The following COPG2 variants were observed in gnomAD, a reference collection of about 807,000 sequenced individuals.
The protein encoded by COPG2 is coat protein complex I subunit gamma 2, also known as coatomer subunit gamma-2.
Under a neutral mutation model 46.3 loss-of-function variants are expected in COPG2, and 37 were observed. The ratio of observed to expected loss-of-function variants is 0.80; its 90% confidence interval spans 0.61 to 1.05. The LOEUF is 1.05. Among genes scored for constraint, COPG2 ranks in the 50% least tolerant of loss-of-function variants. The pLI is 0.00. For missense variants in COPG2, 427 were observed against 387.8 expected (o/e 1.10, Z -0.85); for synonymous variants, 159 against 129.7 (o/e 1.23, Z -1.53).
intron 9 of COPG2, chr7:130,603,715 C>CA (rs1410987637): frequency 5.8e-6 from 2 of 346,490 alleles, no homozygotes; most frequent in South Asian, 2.0e-5. Flanking sequence ...GAGCAAAACT[C>CA]AGTCTCAAAA....
chr7:130,611,708 T>C (rs1554452114), intron 8 of COPG2, among the ~76,000 whole-genome samples: 1 of 152,226 alleles, frequency 6.6e-6, no homozygotes, highest in Non-Finnish European at 1.5e-5. Context: ...GTGAAGAATT[T>C]AATCTTATTC....
intron 18 of COPG2, among the ~76,000 whole-genome samples, chr7:130,549,043 CAAAAA>C (rs1284034360): frequency 1.8e-5 from 2 of 110,642 alleles, no homozygotes; most frequent in Non-Finnish European, 4.4e-5. Flanking sequence ...AAGCAAAAAG[CAAAAA>C]AAAAAAAAAA....
intron 20 of COPG2, among the ~76,000 whole-genome samples, chr7:130,529,328 G>A (rs942704137): frequency 0.32 from 48,660 of 151,964 alleles, 8,535 homozygotes; most frequent in African/African-American, 0.45. Flanking sequence ...GAAAATAACA[G>A]TAGGGGGATG....
chr7:130,603,654 G>A (rs913959409), intron 9 of COPG2, among the ~76,000 whole-genome samples: 7 of 147,242 alleles, frequency 4.8e-5, no homozygotes, highest in Non-Finnish European at 8.9e-5. Flanking sequence ...CCGGGAGGCA[G>A]AGGTTGCAGT....
At chr7:130,662,762 G>A (rs903089675) in intron 4 of COPG2, among the ~76,000 whole-genome samples, 3 of 152,080 alleles carry the variant, frequency 2.0e-5, no homozygotes, top group Non-Finnish European at 4.4e-5. Flanking sequence ...ATGACTTCAC[G>A]GTAGATCTGC....
At chr7:130,588,456 C>T (rs1794329436) in intron 9 of COPG2, among the ~76,000 whole-genome samples, 1 of 151,936 alleles carries the variant, frequency 6.6e-6, no homozygotes, top group African/African-American at 2.4e-5. Flanking sequence ...CCATGGAATA[C>T]TATGCAGCCA....
intron 20 of COPG2, among the ~76,000 whole-genome samples, chr7:130,515,513 G>A (rs1799671474): frequency 6.6e-6 from 1 of 152,180 alleles, no homozygotes; most frequent in African/African-American, 2.4e-5. Flanking sequence ...TTTGAGTAGG[G>A]ATACAGATCC....
At chr7:130,583,432 C>T (rs1161019236) in intron 9 of COPG2, among the ~76,000 whole-genome samples, 1 of 139,114 alleles carries the variant, frequency 7.2e-6, no homozygotes, top group African/African-American at 2.7e-5. Context: ...ACCAGCATGG[C>T]ACATGTATAC....
At chr7:130,605,341 G>A in intron 9 of COPG2, 1 of 495,716 alleles carries the variant, frequency 2.0e-6, no homozygotes. Context: ...TCCTAGAACT[G>A]ATGAATATGT....
At chr7:130,583,289 T>C (rs556045907) in intron 9 of COPG2, among the ~76,000 whole-genome samples, 19 of 148,236 alleles carry the variant, frequency 1.3e-4, no homozygotes, top group East Asian at 4.0e-4. Context: ...TAGGTGGGAA[T>C]TGAACAATGA....
At chr7:130,579,493 T>C (rs1382937137) in intron 9 of COPG2, among the ~76,000 whole-genome samples, 1 of 149,638 alleles carries the variant, frequency 6.7e-6, no homozygotes, top group African/African-American at 2.5e-5. Context: ...AATTCACACA[T>C]AACAATATTA....
Position 130,549,339 on chromosome 7 carries a change from A to G in COPG2, c.1812T>C (p.Ala604=). ...TLVATKPEKL[A]PSRQDIFQEQ... is the part of the protein sequence containing the mutation. ...CTTGGAAAATGTCTTGCCTGGAAGG[A>G]GCCAACTTCTCTGGCTTAGTAGCCA... The change falls in exon 18 of 24, where the codon GCT becomes GCC. Residue 604 remains alanine, a synonymous_variant. Transcript: ENST00000425248. 2.5e-6 allele frequency: 1 copy of G among 398,598 alleles called. No individual in the cohort carries two copies. Among genetic ancestry groups the G allele is most frequent in the Non-Finnish European group, 4.4e-6 (1 of 226,042 alleles). The allele number at this position is 398,598 out of a possible 1,614,324, so 24.7% of individuals were successfully genotyped here.
At chr7:130,643,378 T>C (rs1175700980) in intron 5 of COPG2, among the ~76,000 whole-genome samples, 1 of 152,162 alleles carries the variant, frequency 6.6e-6, no homozygotes, top group Non-Finnish European at 1.5e-5. Context: ...AAAGTGATGA[T>C]ACCAGTCATT....
chr7:130,568,357 A>T (rs1165436592), intron 9 of COPG2, among the ~76,000 whole-genome samples: 14 of 152,220 alleles, frequency 9.2e-5, no homozygotes, highest in African/African-American at 3.4e-4. Context: ...CTTAAGGTAA[A>T]GGGGCGGAAA....
intron 4 of COPG2, among the ~76,000 whole-genome samples, chr7:130,653,860 C>T (rs1340934863): frequency 1.3e-5 from 2 of 151,946 alleles, no homozygotes; most frequent in Non-Finnish European, 2.9e-5. Context: ...AAAAAAAACA[C>T]ACACAGAAAG....
intron 11 of COPG2, among the ~76,000 whole-genome samples, chr7:130,561,455 A>G (rs1257168855): frequency 6.6e-6 from 1 of 152,162 alleles, no homozygotes; most frequent in Non-Finnish European, 1.5e-5. Context: ...TTCTAACATT[A>G]CCATTTTTAA....
At chr7:130,646,896 T>C (rs1258814713) in intron 5 of COPG2, among the ~76,000 whole-genome samples, 2 of 150,420 alleles carry the variant, frequency 1.3e-5, no homozygotes, top group East Asian at 3.9e-4. Flanking sequence ...CCTTTATAAA[T>C]TACCCAGTCT....
At position 130,640,084 on chromosome 7, in the gene COPG2, A is replaced by G. The variant is rs543205757; in HGVS notation, c.323+12785T>C. Among the ~76,000 whole-genome samples, 5 of 152,232 alleles carry G rather than the reference A, an allele frequency of 3.3e-5. No homozygotes were observed. In the East Asian group the frequency reaches 7.7e-4, roughly 24 times the overall value. ...TAGGGCTGACCTCAGGACGGGAAAG[A>G]AAACAAGAAAAACACAAACAAACAA... On this transcript the variant is annotated intron_variant, in intron 5 of 23. Transcript: ENST00000425248.
At chr7:130,653,331 A>ACAACCTCCGCCTCCGGGGTT (rs1180105448) in intron 4 of COPG2, among the ~76,000 whole-genome samples, 1 of 152,124 alleles carries the variant, frequency 6.6e-6, no homozygotes, top group Non-Finnish European at 1.5e-5. Context: ...GTGGCTCACC[A>ACAACCTCCGCCTCCGGGGTT]CAACCTCCGC....
Sources: gnomAD v4.1 joint callset for allele counts (sites outside exome capture counted in the v4.1 genomes callset) on GRCh38, gnomAD v4.1.1 for gene constraint, MANE v1.5 for transcripts, NCBI Gene and HGNC (gene_info 2026-07-23, HGNC 2026-07-21) for gene names.